CSMD2: variants seen among roughly 807,000 people sequenced by gnomAD.
The protein encoded by CSMD2 is CUB and Sushi multiple domains 2, also known as CUB and sushi domain-containing protein 2.
A neutral mutation model predicts 398.5 loss-of-function variants in CSMD2; 130 were observed. That is an observed-to-expected ratio of 0.33 (90% CI 0.28 to 0.38). The LOEUF is 0.38. CSMD2 is among the 10% of genes least tolerant of loss of function. The pLI is 1.00. For synonymous variants in CSMD2, 1,828 were observed against 1,908.5 expected, an observed-to-expected ratio of 0.96 and a Z score of 1.10; for missense variants, 3,829 against 4,764.9, an observed-to-expected ratio of 0.80 and a Z score of 5.78.
intron 25 of CSMD2, among the ~76,000 whole-genome samples, chr1:33,690,731 C>G (rs1235038553): frequency 6.6e-6 from 1 of 152,174 alleles, no homozygotes; most frequent in South Asian, 2.1e-4. Context: ...CATATAACTA[C>G]CTTTATACTT....
intron 64 of CSMD2, among the ~76,000 whole-genome samples, chr1:33,527,527 G>A (rs528057831): frequency 2.0e-4 from 30 of 152,084 alleles, no homozygotes; most frequent in Non-Finnish European, 4.3e-4. Context: ...AGGATATAGT[G>A]GTATATATGA....
intron 2 of CSMD2, among the ~76,000 whole-genome samples, chr1:34,079,339 C>T (rs562455842): frequency 3.3e-5 from 5 of 152,176 alleles, no homozygotes; most frequent in South Asian, 4.1e-4. Flanking sequence ...CAGATATAAA[C>T]GAACTGAACT....
chr1:33,578,360 T>C (rs1638441475), intron 48 of CSMD2, among the ~76,000 whole-genome samples: 2 of 152,130 alleles, frequency 1.3e-5, no homozygotes, highest in Non-Finnish European at 2.9e-5. Context: ...AGTGGATCAC[T>C]TGAGGCCAGG....
chr1:34,027,940 A>AG (rs1649887176), intron 3 of CSMD2, among the ~76,000 whole-genome samples: 1 of 152,158 alleles, frequency 6.6e-6, no homozygotes, highest in Non-Finnish European at 1.5e-5. Context: ...AAGTGGGGCG[A>AG]GGGCTCCTGG....
Position 33,792,364 on chromosome 1 carries a change from C to T in CSMD2, c.1550+59G>A, listed in dbSNP as rs142873268. On this transcript the variant is annotated intron_variant, in intron 11 of 70. Transcript: ENST00000373381. ...GGACCAGGCAGGACTCCACAAACCC[C>T]ACCCCACCAACCCCAGCCACCGTCC... The T allele has an allele frequency of 3.2e-6, 4 of 1,263,448 alleles. No homozygotes were observed. The East Asian group carries it at 6.9e-5, about 22-fold the overall frequency. The allele number at this position is 1,263,448 out of a possible 1,614,324, so 78.3% of individuals were successfully genotyped here.
At chr1:33,586,117 C>A (rs2148746085) in intron 46 of CSMD2, among the ~76,000 whole-genome samples, 1 of 152,340 alleles carries the variant, frequency 6.6e-6, no homozygotes, top group Middle Eastern at 3.4e-3. Context: ...GTTTGGCACA[C>A]AGCACCTTGA....
chr1:33,914,380 T>C (rs1643615847), intron 5 of CSMD2, among the ~76,000 whole-genome samples: 1 of 144,918 alleles, frequency 6.9e-6, no homozygotes, highest in Non-Finnish European at 1.5e-5. Flanking sequence ...CAGAGACGAT[T>C]TGGCAGTGTG....
chr1:33,906,961 A>C (rs1449161371), intron 5 of CSMD2, among the ~76,000 whole-genome samples: 2 of 152,050 alleles, frequency 1.3e-5, no homozygotes, highest in African/African-American at 4.8e-5. Flanking sequence ...AGGCAAGCAG[A>C]AAGCAGAGCC....
chr1:34,107,758 A>G (rs1660660257), intron 1 of CSMD2, among the ~76,000 whole-genome samples: 1 of 152,038 alleles, frequency 6.6e-6, no homozygotes, highest in Non-Finnish European at 1.5e-5. Flanking sequence ...GTCAGTTAGA[A>G]CTCCTAGGCT....
At chr1:33,905,277 G>T (rs541645924) in intron 5 of CSMD2, among the ~76,000 whole-genome samples, 6 of 152,224 alleles carry the variant, frequency 3.9e-5, no homozygotes, top group African/African-American at 1.4e-4. Context: ...GGACCCTCTG[G>T]GTAGTCCAAG....
At chr1:33,773,374 T>C (rs1479765801) in intron 12 of CSMD2, among the ~76,000 whole-genome samples, 3 of 152,224 alleles carry the variant, frequency 2.0e-5, no homozygotes, top group Non-Finnish European at 2.9e-5. Flanking sequence ...TTTGCAATGG[T>C]AGCAGGTAAA....
intron 4 of CSMD2, among the ~76,000 whole-genome samples, chr1:33,922,056 G>T (rs935373862): frequency 6.6e-6 from 1 of 152,144 alleles, no homozygotes; most frequent in African/African-American, 2.4e-5. Flanking sequence ...CAGAGACAGG[G>T]ACGCTAGAGG....
intron 39 of CSMD2, 84 bp downstream of exon 39, chr1:33,616,822 A>C (rs1641421290): frequency 7.7e-6 from 8 of 1,039,482 alleles, no homozygotes; most frequent in Non-Finnish European, 1.2e-5. Context: ...TCTGATTTGA[A>C]CTTGAACTCA....
chr1:34,154,097 AT>A (rs1640582216), intron 1 of CSMD2, among the ~76,000 whole-genome samples: 1 of 152,244 alleles, frequency 6.6e-6, no homozygotes, highest in Non-Finnish European at 1.5e-5. Context: ...TAAATAGGTA[AT>A]TCAGAAGAAA....
intron 3 of CSMD2, among the ~76,000 whole-genome samples, chr1:33,980,903 C>G (rs1321594635): frequency 6.6e-6 from 1 of 152,140 alleles, no homozygotes; most frequent in Non-Finnish European, 1.5e-5. Flanking sequence ...GAAGGAGGGC[C>G]TGGCATGTGC....
At chr1:33,826,370 T>A (rs3845478) in intron 6 of CSMD2, among the ~76,000 whole-genome samples, 100,285 of 152,088 alleles carry the variant, frequency 0.66, 34,647 homozygotes, top group African/African-American at 0.88. Flanking sequence ...TTTGGAGGCC[T>A]TGATGTGTTC....
intron 3 of CSMD2, among the ~76,000 whole-genome samples, chr1:34,014,320 G>A (rs965102733): frequency 6.6e-6 from 1 of 152,228 alleles, no homozygotes; most frequent in Non-Finnish European, 1.5e-5. Context: ...CTGCCCATGG[G>A]TCCTGATAAA....
intron 5 of CSMD2, among the ~76,000 whole-genome samples, chr1:33,856,839 G>A (rs1284972768): frequency 3.3e-5 from 5 of 151,916 alleles, no homozygotes; most frequent in African/African-American, 1.2e-4. Context: ...CTGGCCATGT[G>A]ACCTTGGAGA....
upstream of CSMD2, chr1:34,165,393 G>A: frequency 1.0e-6 from 1 of 995,674 alleles, no homozygotes; most frequent in Non-Finnish European, 1.3e-6. Flanking sequence ...TGCTGGGGGT[G>A]GAGGCGCAGC....
Sources: gnomAD v4.1 joint callset for allele counts (sites outside exome capture counted in the v4.1 genomes callset) on GRCh38, gnomAD v4.1.1 for gene constraint, MANE v1.5 for transcripts, NCBI Gene and HGNC (gene_info 2026-07-23, HGNC 2026-07-21) for gene names.